The following TRIM66 variants were observed in gnomAD, a reference collection of about 807,000 sequenced individuals.
The protein encoded by TRIM66 is tripartite motif containing 66, also known as tripartite motif-containing protein 66.
TRIM66 carries 99 observed loss-of-function variants against 148.2 expected under a neutral mutation model. The observed-to-expected ratio is 0.67, with a 90% CI of 0.57 to 0.79. The LOEUF (loss-of-function observed/expected upper bound fraction) is 0.79, where lower values mean the gene tolerates loss of function less well. Among genes scored for constraint, TRIM66 ranks in the 30% least tolerant of loss-of-function variants. The probability of loss-of-function intolerance (pLI) is 0.00; values close to 1 mark genes in which losing one functional copy is unlikely to be tolerated. For missense variants in TRIM66, 1,666 were observed against 1,697.9 expected (o/e 0.98, Z 0.33); for synonymous variants, 616 against 635.9 (o/e 0.97, Z 0.47).
At chr11:8,636,356 G>A (rs533922264) in intron 15 of TRIM66, among the ~76,000 whole-genome samples, 1 of 152,190 alleles carries the variant, frequency 6.6e-6, no homozygotes, top group South Asian at 2.1e-4. Context: ...TGTGCAGCAG[G>A]CAAGAAGAAC....
rs1323554194 is a variant in TRIM66 at position 8,614,396 on chromosome 11, G to C, written c.*3548C>G. ...AAATAAAGTTGAAGGGCATGAGAAA[G>C]TTCAGGATGCTGACAAAAACATCAG... On this transcript the variant is annotated 3_prime_UTR_variant, in exon 25 of 25. Coordinates refer to ENST00000646038, the MANE Select transcript of TRIM66 (RefSeq NM_001388022.1). The C allele has an allele frequency of 1.3e-5, 2 of 152,164 alleles. No homozygotes were observed. The highest frequency in any genetic ancestry group is 2.4e-5 in the African/African-American group (1 of 41,408). 9.4% of individuals were successfully genotyped at this position (152,164 alleles called of 1,614,324 possible). A position where few individuals can be genotyped will look rare whatever the true frequency, so the allele number is the denominator to read the frequency against.
At chr11:8,657,149 A>G (rs1383965726) in intron 6 of TRIM66, among the ~76,000 whole-genome samples, 1 of 152,200 alleles carries the variant, frequency 6.6e-6, no homozygotes, top group Non-Finnish European at 1.5e-5. Flanking sequence ...GTAGGGGAGG[A>G]GAGAAATCCC....
chr11:8,628,383 C>T (rs1333229790), intron 15 of TRIM66, among the ~76,000 whole-genome samples: 5 of 151,678 alleles, frequency 3.3e-5, no homozygotes, highest in Admixed American at 6.6e-5. Context: ...GAGACCGAGG[C>T]GGGAAGATCG....
At chr11:8,651,972 G>A (rs2037397022) in intron 6 of TRIM66, 69 bp from the exon 7 acceptor site, 1 of 1,283,296 alleles carries the variant, frequency 7.8e-7, no homozygotes, top group Non-Finnish European at 1.1e-6. Flanking sequence ...TGGACATAAG[G>A]CTTTCTAATA....
At chr11:8,652,013 G>T in intron 6 of TRIM66, 110 bp from the exon 7 acceptor site, 1 of 839,180 alleles carries the variant, frequency 1.2e-6, no homozygotes, top group Non-Finnish European at 1.8e-6. Context: ...CAATACCCAT[G>T]TGTGCCAAAA....
At chr11:8,658,121 T>A (rs2037992176) in intron 6 of TRIM66, among the ~76,000 whole-genome samples, 1 of 152,188 alleles carries the variant, frequency 6.6e-6, no homozygotes, top group Non-Finnish European at 1.5e-5. Context: ...CTCTGATGCA[T>A]CCTCAGCCAG....
chr11:8,620,656 G>A (rs1592001055), intron 20 of TRIM66, 84 bp from the exon 21 acceptor site: 1 of 1,489,878 alleles, frequency 6.7e-7, no homozygotes, highest in Non-Finnish European at 9.0e-7. Flanking sequence ...TGGCAGGCGT[G>A]AGAAACTGAG....
chr11:8,653,799 G>C (rs981334501), intron 6 of TRIM66, among the ~76,000 whole-genome samples: 23 of 147,880 alleles, frequency 1.6e-4, no homozygotes, highest in Admixed American at 1.5e-3. Flanking sequence ...AAAAAAAAAA[G>C]AAAAGAAAAG....
chr11:8,624,321 C>A, intron 17 of TRIM66, 38 bp downstream of exon 17: 2 of 1,543,742 alleles, frequency 1.3e-6, no homozygotes, highest in South Asian at 2.4e-5. Context: ...CTGCTCAAGT[C>A]TGTGGCCAAC....
chr11:8,648,187 A>G, intron 9 of TRIM66, 101 bp from the exon 10 acceptor site: 10 of 1,226,462 alleles, frequency 8.2e-6, no homozygotes, highest in Non-Finnish European at 1.2e-5. Context: ...AGCCAGACCC[A>G]TGGAAGCTGT....
In TRIM66 at chr11:8,649,897, G is replaced by C. The variant is rs147071914; in HGVS notation, c.445-10C>G. ...TGCACTCAGAGCAGTTCTGGAAGCAGAGAGTTCTGGAGTTACTGATGTTAT... is the reference window on the plus strand; with the variant it reads ...TGCACTCAGAGCAGTTCTGGAAGCACAGAGTTCTGGAGTTACTGATGTTAT... On this transcript the variant is annotated splice_polypyrimidine_tract_variant and intron_variant, in intron 7 of 24. Coordinates refer to ENST00000646038, the MANE Select transcript of TRIM66 (RefSeq NM_001388022.1). 173 of 1,546,664 alleles carry C rather than the reference G, an allele frequency of 1.1e-4. No individual in the cohort carries two copies. The East Asian group carries it at 4.2e-3, about 38-fold the overall frequency.
rs1163798237 is a variant in TRIM66, at chr11:8,617,765, G to A, written c.*179C>T. 2.5e-5 allele frequency: 15 copies of A among 609,504 alleles called. No homozygotes were observed. The highest frequency in any genetic ancestry group is 1.1e-4 in the South Asian group (5 of 45,322). The allele number at this position is 609,504 out of a possible 1,614,324, so 37.8% of individuals were successfully genotyped here. A position where few individuals can be genotyped will look rare whatever the true frequency, so the allele number is the denominator to read the frequency against. On this transcript the variant is annotated 3_prime_UTR_variant, in exon 25 of 25. Coordinates refer to ENST00000646038, the MANE Select transcript of TRIM66 (RefSeq NM_001388022.1). The stretch of plus-strand genomic sequence containing the variant: ...GTTTATTACTGAAATCTTCTCTGTA[G>A]TGGATGTACTACGGCTCCCAAATAA...
At chr11:8,631,326 G>A (rs563617293) in intron 15 of TRIM66, among the ~76,000 whole-genome samples, 1 of 152,290 alleles carries the variant, frequency 6.6e-6, no homozygotes, top group East Asian at 1.9e-4. Flanking sequence ...AATATTGCTG[G>A]GGATAAAGTA....
chr11:8,647,200 A>G (rs1411849141), intron 10 of TRIM66, among the ~76,000 whole-genome samples: 1 of 152,058 alleles, frequency 6.6e-6, no homozygotes, highest in Non-Finnish European at 1.5e-5. Context: ...ACAGTTGCAC[A>G]ATTCTGTGAA....
upstream of TRIM66, chr11:8,683,132 A>G: frequency 6.7e-7 from 1 of 1,484,874 alleles, no homozygotes; most frequent in Non-Finnish European, 9.4e-7. Context: ...TTACAGGACC[A>G]TCTCGGCTGG....
chr11:8,635,278 AG>A (rs2035776973), intron 15 of TRIM66, among the ~76,000 whole-genome samples: 2 of 152,210 alleles, frequency 1.3e-5, no homozygotes, highest in African/African-American at 2.4e-5. Context: ...AAGGGGAATA[AG>A]AAAGTGGCTT....
At chr11:8,670,081 T>C (rs2038848560) in intron 6 of TRIM66, among the ~76,000 whole-genome samples, 1 of 151,308 alleles carries the variant, frequency 6.6e-6, no homozygotes, top group Admixed American at 6.6e-5. Context: ...GGTGCGATCT[T>C]GGCTCACTGC....
chr11:8,682,771 C>T (rs374059722), upstream of TRIM66: 551 of 1,613,402 alleles, frequency 3.4e-4, no homozygotes, highest in Non-Finnish European at 4.3e-4. Context: ...CGATACCTCG[C>T]GAGACTTGGC....
At chr11:8,681,169 T>A (rs2133588260) in intron 1 of TRIM66, among the ~76,000 whole-genome samples, 1 of 151,786 alleles carries the variant, frequency 6.6e-6, no homozygotes, top group Admixed American at 6.6e-5. Context: ...AGTCTCGTTC[T>A]GTCGCCCAGG....
Sources: gnomAD v4.1 joint callset for allele counts (sites outside exome capture counted in the v4.1 genomes callset) on GRCh38, gnomAD v4.1.1 for gene constraint, MANE v1.5 for transcripts, NCBI Gene and HGNC (gene_info 2026-07-23, HGNC 2026-07-21) for gene names.